The following PCTP variants were observed in gnomAD, a reference collection of about 807,000 sequenced individuals.
PCTP encodes phosphatidylcholine transfer protein.
Under a neutral mutation model 31.0 loss-of-function variants are expected in PCTP, and 27 were observed. That is an observed-to-expected ratio of 0.87 (90% CI 0.64 to 1.20). The LOEUF (loss-of-function observed/expected upper bound fraction) is 1.20, where lower values mean the gene tolerates loss of function less well. Among genes scored for constraint, PCTP ranks in the 50% most tolerant of loss-of-function variants. The pLI is 0.00. For missense variants in PCTP, 287 were observed against 268.2 expected, an observed-to-expected ratio of 1.07 and a Z score of -0.49; for synonymous variants, 108 against 101.2, an observed-to-expected ratio of 1.07 and a Z score of -0.40.
chr17:55,771,858 A>G (rs558022319), intron 3 of PCTP, among the ~76,000 whole-genome samples: 1 of 152,262 alleles, frequency 6.6e-6, no homozygotes, highest in South Asian at 2.1e-4. Context: ...TGGAAGTAGG[A>G]TGACTCCTAG....
At chr17:55,756,474 A>T (rs935383280) in intron 1 of PCTP, among the ~76,000 whole-genome samples, 2 of 152,122 alleles carry the variant, frequency 1.3e-5, no homozygotes, top group Non-Finnish European at 2.9e-5. Flanking sequence ...AGGAGAAATG[A>T]ATCTGAGAGT....
At position 55,808,497 on chromosome 17, in the gene PCTP, T is replaced by A. The variant is rs116772364; in HGVS notation, c.318-14264T>A. Among the ~76,000 whole-genome samples, 452 of 152,306 alleles carry A rather than the reference T, an allele frequency of 3.0e-3. 1 individual carries two copies. The highest frequency in any genetic ancestry group is 0.011 in the African/African-American group (439 of 41,558). On this transcript the variant is annotated intron_variant, in intron 3 of 3. Transcript: ENST00000572536. ...GAAAAGTCTGGCAAATAATATGCATTTATTAGGTTGTGGTTCACCTTTCCA... is the reference window on the plus strand; with the variant it reads ...GAAAAGTCTGGCAAATAATATGCATATATTAGGTTGTGGTTCACCTTTCCA...
chr17:55,831,581 G>T (rs9908026), intron 5 of PCTP, among the ~76,000 whole-genome samples: 47,083 of 152,068 alleles, frequency 0.31, 7,392 homozygotes, highest in East Asian at 0.42. Flanking sequence ...TTTAAAAAAA[G>T]GGTTTTGTGT....
At chr17:55,809,062 G>C (rs1029725458) in intron 3 of PCTP, among the ~76,000 whole-genome samples, 9 of 152,232 alleles carry the variant, frequency 5.9e-5, no homozygotes, top group Admixed American at 5.9e-4. Context: ...CAACCTTGGG[G>C]TAAAAAAGAC....
At chr17:55,849,904 G>T in the PCTP span, among the ~76,000 whole-genome samples, 1 of 151,996 alleles carries the variant, frequency 6.6e-6, no homozygotes, top group Non-Finnish European at 1.5e-5. Flanking sequence ...GACTGGTTTT[G>T]TATTCAAAAA....
intron 3 of PCTP, among the ~76,000 whole-genome samples, chr17:55,822,033 G>T (rs1381772409): frequency 6.6e-6 from 1 of 152,150 alleles, no homozygotes; most frequent in Non-Finnish European, 1.5e-5. Context: ...CTGGAGGTGA[G>T]ACTCTTGACC....
Position 55,771,154 on chromosome 17 carries a change from T to G in PCTP, c.308T>G (p.Val103Gly), listed in dbSNP as rs149206969. ...CNGETVVYWE[V>G]KYPFPMSNRD... ...GGAGAGACTGTGGTCTACTGGGAAG[T>G]GAAGTACCCTTTTCCCATGTCCAAC... Residue 103 changes from valine (V) to glycine (G), a missense_variant, in exon 3 of 6, where the codon GTG (valine) becomes GGG (glycine). By Grantham distance (109) the Val-to-Gly change is moderately radical (BLOSUM62 -3). Coordinates refer to ENST00000268896, the MANE Select transcript of PCTP (RefSeq NM_021213.4). 2.6e-5 allele frequency: 42 copies of G among 1,612,890 alleles called. No individual in the cohort carries two copies. In the African/African-American group the frequency reaches 5.5e-4, roughly 21 times the overall value.
At chr17:55,757,008 TG>T (rs1162022002) in intron 1 of PCTP, among the ~76,000 whole-genome samples, 1 of 152,024 alleles carries the variant, frequency 6.6e-6, no homozygotes, top group Non-Finnish European at 1.5e-5. Flanking sequence ...TTGCAAAACC[TG>T]GATAATACTT....
downstream of PCTP, among the ~76,000 whole-genome samples, chr17:55,845,475 C>G (rs909655489): frequency 6.6e-6 from 1 of 152,194 alleles, no homozygotes; most frequent in Non-Finnish European, 1.5e-5. Context: ...GGAGGGTTTC[C>G]GCGGGATGCT....
At chr17:55,839,928 A>AAAAAAAAAAC (rs1905913582) in intron 5 of PCTP, among the ~76,000 whole-genome samples, 1 of 148,930 alleles carries the variant, frequency 6.7e-6, no homozygotes, top group African/African-American at 2.5e-5. Flanking sequence ...TCAAAAAAAA[A>AAAAAAAAAAC]AAAAAAAAAA....
rs545445034 is a variant in PCTP at position 55,751,208 on chromosome 17, G to C, written c.105G>C (p.Glu35Asp). The change falls in exon 1 of 6, where the codon GAG becomes GAC. Residue 35 changes from glutamate (E) to aspartate (D), a missense_variant. Transcript: ENST00000268896. ...GGGCCGACTGGCAGCTCCTAGTGGAGACCTCGGGCATCAGCATCTACCGGC... is the reference window on the plus strand; with the variant it reads ...GGGCCGACTGGCAGCTCCTAGTGGACACCTCGGGCATCAGCATCTACCGGC... ...LAGADWQLLV[E>D]TSGISIYRLL... is the part of the protein sequence containing the mutation. 6.5e-7 allele frequency: 1 copy of C among 1,548,028 alleles called. No individual in the cohort carries two copies. Among genetic ancestry groups the C allele is most frequent in the Non-Finnish European group, 8.7e-7 (1 of 1,145,934 alleles).
chr17:55,754,749 C>T (rs1189440955), intron 1 of PCTP, among the ~76,000 whole-genome samples: 1 of 152,128 alleles, frequency 6.6e-6, no homozygotes, highest in African/African-American at 2.4e-5. Context: ...CTTGGCTCAA[C>T]TCCTGAGGCC....
intron 2 of PCTP, among the ~76,000 whole-genome samples, chr17:55,767,847 C>T (rs558955688): frequency 1.7e-3 from 250 of 146,286 alleles, no homozygotes; most frequent in Middle Eastern, 0.011. Context: ...AATCCCAGCA[C>T]GTGGGGAGGC....
At position 55,767,371 on chromosome 17, in the gene PCTP, C is replaced by G. The variant is rs1467863930; in HGVS notation, c.178C>G (p.Leu60Val). ...TTATGAGTATAAAGTCTTTGGTGTT[C>G]TGGAGGACTGCTCACCAACTCTACT... ...GLYEYKVFGV[L>V]EDCSPTLLAD... The change falls in exon 2 of 6, where the codon CTG becomes GTG. Residue 60 changes from leucine (L) to valine (V), a missense_variant. Leu to Val is a conservative substitution (Grantham distance 32). Coordinates refer to ENST00000268896, the MANE Select transcript of PCTP (RefSeq NM_021213.4). 1 of 1,613,020 alleles carries G rather than the reference C, an allele frequency of 6.2e-7. No homozygotes were observed. The highest frequency in any genetic ancestry group is 2.2e-5 in the East Asian group (1 of 44,878).
At chr17:55,802,813 A>T (rs972555274) in intron 3 of PCTP, among the ~76,000 whole-genome samples, 4 of 152,186 alleles carry the variant, frequency 2.6e-5, no homozygotes, top group Non-Finnish European at 5.9e-5. Context: ...GCACAAGACA[A>T]GGATGCCCTC....
chr17:55,798,388 A>G (rs1285229838), intron 3 of PCTP, among the ~76,000 whole-genome samples: 1 of 152,006 alleles, frequency 6.6e-6, no homozygotes, highest in Non-Finnish European at 1.5e-5. Flanking sequence ...CAAAACAAAC[A>G]AACAAAAATC....
In PCTP at chr17:55,767,161, A is replaced by C. The variant is rs1267427786; in HGVS notation, c.142-174A>C. ...GAGTTCATTGTAGATTCTGGATATTAGCCCTTTGTCAGATGAGTAGGTTGT... is the reference window on the plus strand; with the variant it reads ...GAGTTCATTGTAGATTCTGGATATTCGCCCTTTGTCAGATGAGTAGGTTGT... On this transcript the variant is annotated intron_variant, in intron 1 of 5. Coordinates refer to ENST00000268896, the MANE Select transcript of PCTP (RefSeq NM_021213.4). Among the ~76,000 whole-genome samples the C allele has an allele frequency of 2.0e-5, 3 of 152,070 alleles. No homozygotes were observed. In the East Asian group the frequency reaches 5.8e-4, roughly 29 times the overall value.
In PCTP at chr17:55,760,130, G is replaced by T. The variant is rs547301555; in HGVS notation, c.142-7205G>T. On this transcript the variant is annotated intron_variant, in intron 1 of 5. Coordinates refer to ENST00000268896, the MANE Select transcript of PCTP (RefSeq NM_021213.4). ...AGATTTCCTGGCCATGCATTCCCCT[G>T]TCTCCAGCCTCCATTTCTTCACTTA... is the stretch of plus-strand genomic sequence containing the variant. Among the ~76,000 whole-genome samples the T allele has an allele frequency of 3.3e-5, 5 of 152,182 alleles. No individual in the cohort carries two copies. In the East Asian group the frequency reaches 9.6e-4, roughly 29 times the overall value.
intron 3 of PCTP, among the ~76,000 whole-genome samples, chr17:55,794,981 C>A (rs1912136899): frequency 1.3e-5 from 2 of 152,014 alleles, no homozygotes; most frequent in African/African-American, 4.8e-5. Flanking sequence ...CTATTCACAA[C>A]TTTCCAGATG....
Sources: allele counts gnomAD v4.1 joint callset (sites outside exome capture counted in the v4.1 genomes callset), GRCh38; gene constraint gnomAD v4.1.1; transcripts MANE v1.5; gene names NCBI Gene and HGNC (gene_info 2026-07-23, HGNC 2026-07-21).